Variants in PCNX2 observed in about 807,000 individuals in gnomAD.
PCNX2 encodes the protein pecanex-like protein 2.
PCNX2 carries 168 observed loss-of-function variants against 223.8 expected under a neutral mutation model. The ratio of observed to expected loss-of-function variants is 0.75; its 90% confidence interval spans 0.66 to 0.85. The LOEUF is 0.85. Ranked by LOEUF, PCNX2 falls within the 40% of genes least tolerant of loss-of-function variation. The pLI is 0.00. For synonymous variants in PCNX2, 1,006 were observed against 1,052.6 expected (o/e 0.96, Z 0.86); for missense variants, 2,507 against 2,675.5 (o/e 0.94, Z 1.39).
the PCNX2 span, among the ~76,000 whole-genome samples, chr1:233,306,245 A>C: frequency 6.6e-6 from 1 of 152,242 alleles, no homozygotes; most frequent in Non-Finnish European, 1.5e-5. Context: ...CAACAACAGA[A>C]CCTCAAAACG....
At chr1:233,015,380 C>T (rs1572012748) in intron 27 of PCNX2, among the ~76,000 whole-genome samples, 2 of 152,254 alleles carry the variant, frequency 1.3e-5, no homozygotes, top group Non-Finnish European at 2.9e-5. Flanking sequence ...TAGCAAAACC[C>T]CATCTCCATA....
chr1:233,289,387 A>C, intron 1 of PCNX2: 1 of 1,355,404 alleles, frequency 7.4e-7, no homozygotes, highest in South Asian at 1.2e-5. Context: ...GAGATGCGGG[A>C]CTCGAACTCG....
chr1:233,201,345 T>G (rs560359557), intron 13 of PCNX2: 7 of 152,328 alleles, frequency 4.6e-5, no homozygotes, highest in Admixed American at 2.6e-4. Context: ...GAAAGCAGTT[T>G]ATTTCTCAAC....
At chr1:233,313,959 A>G in the PCNX2 span, among the ~76,000 whole-genome samples, 5 of 152,220 alleles carry the variant, frequency 3.3e-5, no homozygotes, top group Non-Finnish European at 5.9e-5. Flanking sequence ...ACATCTGTCA[A>G]AATTACAAAT....
At chr1:233,265,703 T>G (rs1660295611) in intron 1 of PCNX2, among the ~76,000 whole-genome samples, 2 of 152,148 alleles carry the variant, frequency 1.3e-5, no homozygotes, top group Admixed American at 1.3e-4. Context: ...CTAGCAATAC[T>G]TAATTAATAA....
chr1:233,052,067 T>C (rs1045624072), intron 25 of PCNX2, among the ~76,000 whole-genome samples: 1 of 152,198 alleles, frequency 6.6e-6, no homozygotes, highest in Non-Finnish European at 1.5e-5. Context: ...GTTTTATCAC[T>C]AGTTCCCTGT....
intron 21 of PCNX2, among the ~76,000 whole-genome samples, chr1:233,106,518 A>T (rs2102968454): frequency 6.6e-6 from 1 of 151,880 alleles, no homozygotes; most frequent in African/African-American, 2.4e-5. Context: ...ACACCTGGCT[A>T]ACTTTTTGTG....
At chr1:233,120,143 G>C (rs1334104988) in intron 21 of PCNX2, among the ~76,000 whole-genome samples, 1 of 144,776 alleles carries the variant, frequency 6.9e-6, no homozygotes, top group African/African-American at 2.6e-5. Context: ...CTCCAGCCTG[G>C]GTGACAGTGA....
intron 33 of PCNX2, chr1:232,984,687 G>C (rs926520788): frequency 2.6e-5 from 14 of 531,264 alleles, no homozygotes; most frequent in Non-Finnish European, 4.6e-5. Flanking sequence ...CTGAGACACA[G>C]GGGCTCTGCA....
chr1:233,048,289 T>C (rs762398644), intron 25 of PCNX2, among the ~76,000 whole-genome samples: 2 of 152,128 alleles, frequency 1.3e-5, no homozygotes, highest in Non-Finnish European at 2.9e-5. Flanking sequence ...AAACCCCATC[T>C]CTACTAAAAA....
At position 233,139,723 on chromosome 1, in the gene PCNX2, A is replaced by C. The variant is rs1440776617; in HGVS notation, c.3650T>G (p.Leu1217Arg). 4 of 1,602,042 alleles carry C rather than the reference A, an allele frequency of 2.5e-6. No homozygotes were observed. Among genetic ancestry groups the C allele is most frequent in the Admixed American group, 1.7e-5 (1 of 58,256 alleles). The change falls in exon 20 of 34, where the codon CTT (leucine) becomes CGT (arginine). Residue 1217 changes from leucine (L) to arginine (R), a missense_variant. Physicochemically the swap from Leu to Arg is moderately radical, Grantham distance 102. Around this residue, in one of 3 missense-constraint regions of PCNX2, gnomAD observed 1,372 missense variants for 1,509.4 expected, o/e 0.91. Coordinates refer to ENST00000258229, the MANE Select transcript of PCNX2 (RefSeq NM_014801.4). The surrounding 1 kb of genome is among the most constrained non-coding windows in gnomAD (Gnocchi z 4.4). ...DAFLISNHRR[L>R]GTHWDIFLMI... ...ACCATTAACCACTTACTGGGTACCA[A>C]GTCTCCGGTGATTGCTTATTAAAAA...
chr1:233,207,751 C>T (rs1681562498), intron 13 of PCNX2, among the ~76,000 whole-genome samples: 1 of 152,116 alleles, frequency 6.6e-6, no homozygotes, highest in South Asian at 2.1e-4. Flanking sequence ...CAAAACCATA[C>T]AGTATGCAGG....
chr1:233,192,419 G>A (rs951964347), intron 15 of PCNX2, among the ~76,000 whole-genome samples: 32 of 151,938 alleles, frequency 2.1e-4, no homozygotes, highest in African/African-American at 7.0e-4. Flanking sequence ...ATCTTGGCTC[G>A]AAAAAAATTT....
intron 12 of PCNX2, among the ~76,000 whole-genome samples, chr1:233,212,796 T>C (rs566963340): frequency 5.3e-5 from 8 of 152,372 alleles, no homozygotes; most frequent in African/African-American, 1.7e-4. Context: ...TTGAATATTA[T>C]TTGAGAACTT....
At chr1:233,042,679 T>C (rs1671683678) in intron 25 of PCNX2, among the ~76,000 whole-genome samples, 1 of 152,166 alleles carries the variant, frequency 6.6e-6, no homozygotes, top group Non-Finnish European at 1.5e-5. Context: ...GGAAGAAACT[T>C]AGGAATCACA....
intron 10 of PCNX2, among the ~76,000 whole-genome samples, chr1:233,224,890 G>A (rs1657604339): frequency 1.3e-5 from 2 of 151,998 alleles, no homozygotes; most frequent in African/African-American, 4.8e-5. Flanking sequence ...GTAAGTGGGA[G>A]TTGAACAATG....
chr1:233,289,534 G>C, intron 1 of PCNX2: 1 of 658,376 alleles, frequency 1.5e-6, no homozygotes, highest in East Asian at 2.7e-5. Flanking sequence ...CAGGCTCTTC[G>C]CCTGAAATAC....
At chr1:233,326,894 G>A in the PCNX2 span, among the ~76,000 whole-genome samples, 2 of 152,102 alleles carry the variant, frequency 1.3e-5, no homozygotes, top group Non-Finnish European at 2.9e-5. Flanking sequence ...GGGAGACTGG[G>A]GCATTTTCCA....
chr1:233,073,823 C>G (rs1033559075), intron 23 of PCNX2, among the ~76,000 whole-genome samples: 5 of 152,068 alleles, frequency 3.3e-5, no homozygotes, highest in Non-Finnish European at 7.4e-5. Context: ...CACTATGTTG[C>G]CCAGGCTGGT....
Sources: allele counts gnomAD v4.1 joint callset (sites outside exome capture counted in the v4.1 genomes callset), GRCh38; gene constraint gnomAD v4.1.1; regional missense constraint gnomAD v4.1.1; non-coding constraint Gnocchi (gnomAD v3.1); transcripts MANE v1.5; gene names NCBI Gene and HGNC (gene_info 2026-07-23, HGNC 2026-07-21).